Variants in USP35 observed in about 807,000 individuals in gnomAD.
USP35 encodes the protein ubiquitin carboxyl-terminal hydrolase 35.
A neutral mutation model predicts 83.8 loss-of-function variants in USP35; 69 were observed. The ratio of observed to expected loss-of-function variants is 0.82; its 90% CI spans 0.68 to 1.01. The LOEUF is 1.01. USP35 is among the 50% of genes least tolerant of loss of function. The probability of loss-of-function intolerance (pLI) is 0.00; values close to 1 mark genes in which losing one functional copy is unlikely to be tolerated. For synonymous variants in USP35, 714 were observed against 589.5 expected (o/e 1.21, Z -3.06); for missense variants, 1,503 against 1,362.5 (o/e 1.10, Z -1.62).
intron 1 of USP35, among the ~76,000 whole-genome samples, chr11:78,195,534 G>A (rs1384530858): frequency 6.6e-6 from 1 of 152,102 alleles, no homozygotes; most frequent in Non-Finnish European, 1.5e-5. Context: ...TTTTTTGTGT[G>A]TGCCCCATCT....
intron 1 of USP35, among the ~76,000 whole-genome samples, chr11:78,190,803 C>T (rs1862980931): frequency 6.6e-6 from 1 of 152,170 alleles, no homozygotes; most frequent in Non-Finnish European, 1.5e-5. Context: ...GAGGGAAAAG[C>T]CCTTTTTCAG....
In USP35 at chr11:78,200,130, T is replaced by C. The variant is rs1863297560; in HGVS notation, c.937-3T>C. 6.2e-7 allele frequency: 1 copy of C among 1,614,072 alleles called. No individual in the cohort carries two copies. The highest frequency in any genetic ancestry group is 8.5e-7 in the Non-Finnish European group (1 of 1,180,014). ...GGACTCCTGACCAGGGACTCTCTTG[T>C]AGGTTTTCTCTAAGCTGCTGTACCC... On this transcript the variant is annotated splice_region_variant and splice_polypyrimidine_tract_variant and intron_variant, in intron 4 of 10. Transcript: ENST00000529308.
chr11:78,223,666 A>G, the USP35 span: 1 of 1,598,634 alleles, frequency 6.3e-7, no homozygotes. Context: ...GCCCACAATC[A>G]TTTTCCCTGG....
chr11:78,225,888 G>C, the USP35 span, among the ~76,000 whole-genome samples: 1 of 152,192 alleles, frequency 6.6e-6, no homozygotes, highest in South Asian at 2.1e-4. Context: ...CAAAATGAAA[G>C]GAATTAATAT....
the USP35 span, chr11:78,231,684 T>C: frequency 6.6e-6 from 1 of 152,210 alleles, no homozygotes; most frequent in East Asian, 1.9e-4. Flanking sequence ...CTAGTTTTTC[T>C]AGCCACTTCA....
At chr11:78,192,601 G>T (rs1863037274) in intron 1 of USP35, among the ~76,000 whole-genome samples, 2 of 152,350 alleles carry the variant, frequency 1.3e-5, no homozygotes, top group East Asian at 3.9e-4. Context: ...GGCAGGGCTT[G>T]CTTGCTGTGG....
chr11:78,228,138 G>A, the USP35 span, among the ~76,000 whole-genome samples: 3 of 152,172 alleles, frequency 2.0e-5, no homozygotes, highest in South Asian at 2.1e-4. Context: ...GACCTAGTAC[G>A]TCACAATGAT....
At chr11:78,218,057 T>A (rs943945973), downstream of USP35, 1 of 153,038 alleles carries the variant, frequency 6.5e-6, no homozygotes, top group African/African-American at 2.4e-5. Context: ...AGGATTGCGT[T>A]GGGCACCCCC....
At chr11:78,235,353 C>T in the USP35 span, among the ~76,000 whole-genome samples, 8 of 152,028 alleles carry the variant, frequency 5.3e-5, no homozygotes, top group African/African-American at 1.7e-4. Context: ...GGGGTTTCAC[C>T]GTGTTAGCCA....
chr11:78,232,503 T>C, the USP35 span, among the ~76,000 whole-genome samples: 13 of 152,246 alleles, frequency 8.5e-5, no homozygotes, highest in Non-Finnish European at 1.6e-4. Flanking sequence ...GTCTTGACTC[T>C]GCCAGTTCAA....
chr11:78,226,616 T>A, the USP35 span: 1 of 488,462 alleles, frequency 2.0e-6, no homozygotes, highest in South Asian at 2.4e-5. Context: ...GGGGGCGGGG[T>A]GGGGGAGCTA....
chr11:78,196,731 G>C lies in USP35; in HGVS notation c.486G>C (p.Leu162=), dbSNP rs1236755216. The stretch of plus-strand genomic sequence containing the variant: ...GTGTGCCCGACGGACCCCACCGCCT[G>C]CTCTTCTGCCAGCAGCTGGTGCGTT... ...PRCVPDGPHR[L]LFCQQLVRCL... The change falls in exon 2 of 11, where the codon CTG becomes CTC. Residue 162 remains leucine, a synonymous_variant. Transcript: ENST00000529308. The surrounding 1 kb of genome is among the most constrained non-coding windows in gnomAD (Gnocchi z 4.8). The C allele has an allele frequency of 8.5e-6, 13 of 1,531,290 alleles. No individual in the cohort carries two copies. The highest frequency in any genetic ancestry group is 1.1e-5 in the Non-Finnish European group (13 of 1,145,220). 94.9% of individuals were successfully genotyped at this position (1,531,290 alleles called of 1,614,324 possible). A position where few individuals can be genotyped will look rare whatever the true frequency, so the allele number is the denominator to read the frequency against.
At chr11:78,231,330 G>A in the USP35 span, among the ~76,000 whole-genome samples, 635 of 103,226 alleles carry the variant, frequency 6.2e-3, 5 homozygotes, top group Non-Finnish European at 8.6e-3. Context: ...GCGCGCGCGC[G>A]TGTGTGGTGT....
downstream of USP35, chr11:78,219,190 G>A: frequency 1.5e-6 from 2 of 1,314,318 alleles, no homozygotes; most frequent in Non-Finnish European, 2.1e-6. Context: ...TGGATGGGAG[G>A]AAGAACGGGA....
At chr11:78,225,028 G>T in the USP35 span, 10 of 846,460 alleles carry the variant, frequency 1.2e-5, no homozygotes, top group East Asian at 2.4e-4. Context: ...ATCTTTTGGG[G>T]TTGTGCTTTT....
the USP35 span, among the ~76,000 whole-genome samples, chr11:78,236,587 T>A: frequency 1.3e-5 from 2 of 152,256 alleles, no homozygotes; most frequent in Non-Finnish European, 2.9e-5. Context: ...TTAGGTATGA[T>A]CTTAGCTATA....
rs77171344 is a variant in USP35, at chr11:78,209,763, C to A, written c.1908C>A (p.Gly636=). 28,526 of 1,614,036 alleles carry A rather than the reference C, an allele frequency of 0.018. 300 individuals carry two copies. Among genetic ancestry groups the A allele is most frequent in the South Asian group, 0.022 (1,963 of 91,074 alleles). ...CACCAACCAGTGCACAGGGGCCAGG[C>A]AGGGTGGGTCCTCGGAGGCAAAGGA... The part of the protein sequence containing the change: ...LPPPTSAQGP[G]RVGPRRQRKH... The change falls in exon 10 of 11, where the codon GGC becomes GGA. Residue 636 remains glycine, a synonymous_variant. Transcript: ENST00000529308.
chr11:78,200,055 G>A, intron 4 of USP35, 78 bp from the exon 5 acceptor site: 2 of 1,495,414 alleles, frequency 1.3e-6, no homozygotes, highest in Non-Finnish European at 1.9e-6. Flanking sequence ...GTGTCTCTGA[G>A]TCCCCTCTCA....
At chr11:78,219,435 AAG>A (rs768583390), downstream of USP35, 16 of 1,612,458 alleles carry the variant, frequency 9.9e-6, no homozygotes, top group Admixed American at 2.0e-4. Flanking sequence ...CAGAGTGGGA[AAG>A]AGGGAGTAGC....
Sources: allele counts gnomAD v4.1 joint callset (sites outside exome capture counted in the v4.1 genomes callset), GRCh38; gene constraint gnomAD v4.1.1; non-coding constraint Gnocchi (gnomAD v3.1); transcripts MANE v1.5; gene names NCBI Gene and HGNC (gene_info 2026-07-23, HGNC 2026-07-21).